FOXP1: variants seen among roughly 807,000 people sequenced by gnomAD.
The protein encoded by FOXP1 is forkhead box protein P1.
Under a neutral mutation model 98.2 loss-of-function variants are expected in FOXP1, and 15 were observed. The observed-to-expected ratio is 0.15, with a 90% CI of 0.10 to 0.24. FOXP1 has a LOEUF of 0.24. Ranked by LOEUF, FOXP1 falls within the 10% of genes least tolerant of loss-of-function variation. FOXP1 has a pLI of 1.00. For synonymous variants in FOXP1, 371 were observed against 314.5 expected (o/e 1.18, Z -1.90); for missense variants, 633 against 848.5 (o/e 0.75, Z 3.15).
intron 13 of FOXP1, among the ~76,000 whole-genome samples, chr3:70,991,512 C>G (rs368700359): frequency 2.0e-5 from 3 of 152,130 alleles, no homozygotes; most frequent in Admixed American, 6.5e-5. Context: ...AAAGGGAACA[C>G]GGTTTGGGGT....
At chr3:71,560,692 G>A (rs1174789135) in intron 2 of FOXP1, among the ~76,000 whole-genome samples, 1 of 152,184 alleles carries the variant, frequency 6.6e-6, no homozygotes, top group African/African-American at 2.4e-5. Context: ...ACAAAATGTG[G>A]TATATCTATA....
intron 5 of FOXP1, among the ~76,000 whole-genome samples, chr3:71,249,508 G>A (rs2107027437): frequency 6.6e-6 from 1 of 152,330 alleles, no homozygotes; most frequent in African/African-American, 2.4e-5. Context: ...GAGGCTCAGA[G>A]AGGTTAAATA....
rs6786914 is a variant in FOXP1, at chr3:71,012,245, T to C, written c.974+3304A>G. Among the ~76,000 whole-genome samples the C allele has an allele frequency of 5.8e-3, 888 of 152,288 alleles. 10 individuals are homozygous for C. The highest frequency in any genetic ancestry group is 0.02 in the African/African-American group (814 of 41,582). ...CCAAGGTATTTATCAAACCTAGCACTGGTGTAGAAGAAAAAACTCAGAATT... is the reference window on the plus strand; with the variant it reads ...CCAAGGTATTTATCAAACCTAGCACCGGTGTAGAAGAAAAAACTCAGAATT... On this transcript the variant is annotated intron_variant, in intron 12 of 20. Transcript: ENST00000649528.
At position 70,959,156 on chromosome 3, in the gene FOXP1, A is replaced by C; in HGVS notation, c.*91T>G. ...TGAAAATCCTCCAGACTGTACAACA[A>C]ATGGAGAACAATTTCACTGCTAACT... On this transcript the variant is annotated 3_prime_UTR_variant, in exon 21 of 21. Coordinates refer to ENST00000649528, the MANE Select transcript of FOXP1 (RefSeq NM_001349338.3). 1 of 1,469,302 alleles carries C rather than the reference A, an allele frequency of 6.8e-7. No individual in the cohort carries two copies. The highest frequency in any genetic ancestry group is 1.1e-5 in the South Asian group (1 of 87,110). The allele number at this position is 1,469,302 out of a possible 1,614,324, so 91.0% of individuals were successfully genotyped here. A position where few individuals can be genotyped will look rare whatever the true frequency, so the allele number is the denominator to read the frequency against.
At chr3:71,178,134 C>G (rs1024953285) in intron 6 of FOXP1, among the ~76,000 whole-genome samples, 1 of 145,624 alleles carries the variant, frequency 6.9e-6, no homozygotes, top group African/African-American at 2.5e-5. Context: ...CACACCCAGT[C>G]AGTCTTTTTT....
intron 6 of FOXP1, among the ~76,000 whole-genome samples, chr3:71,148,456 T>C (rs141823715): frequency 1.8e-3 from 279 of 152,372 alleles, no homozygotes; most frequent in South Asian, 0.013. Context: ...AATCTCACTC[T>C]TAAAGAAAAC....
At chr3:71,407,184 A>C (rs1311491467) in intron 3 of FOXP1, among the ~76,000 whole-genome samples, 1 of 152,056 alleles carries the variant, frequency 6.6e-6, no homozygotes, top group Non-Finnish European at 1.5e-5. Flanking sequence ...ATTTTACAAG[A>C]GCTTGAAAGT....
At chr3:71,226,930 A>T (rs1466663637) in intron 5 of FOXP1, among the ~76,000 whole-genome samples, 1 of 152,166 alleles carries the variant, frequency 6.6e-6, no homozygotes, top group African/African-American at 2.4e-5. Context: ...GTCAGACGGC[A>T]GCTGACAGTC....
At chr3:71,228,709 G>C (rs964451527) in intron 5 of FOXP1, among the ~76,000 whole-genome samples, 1 of 152,164 alleles carries the variant, frequency 6.6e-6, no homozygotes, top group Admixed American at 6.5e-5. Flanking sequence ...TGGTAAATAA[G>C]GGTGAAGATT....
At chr3:71,309,086 G>A (rs975734670) in intron 4 of FOXP1, among the ~76,000 whole-genome samples, 1 of 152,092 alleles carries the variant, frequency 6.6e-6, no homozygotes, top group Non-Finnish European at 1.5e-5. Flanking sequence ...ACCACAACCT[G>A]AGGGCTTGCT....
intron 7 of FOXP1, chr3:71,065,886 C>T (rs984674455): frequency 1.3e-5 from 2 of 151,896 alleles, no homozygotes. Context: ...TCAACTGACA[C>T]GACTTAAGCG....
At position 71,582,765 on chromosome 3, in the gene FOXP1, T is replaced by C. The variant is rs1238304328; in HGVS notation, c.-447+806A>G. On this transcript the variant is annotated intron_variant, in intron 1 of 20. Coordinates refer to ENST00000649528, the MANE Select transcript of FOXP1 (RefSeq NM_001349338.3). Reference sequence around the variant, plus strand: ...AGCGGAGGCCGAGCGCGCGTAGGGGTGCGTGTCTGGCTGGGGGTGCGCAGG... The same window carrying C: ...AGCGGAGGCCGAGCGCGCGTAGGGGCGCGTGTCTGGCTGGGGGTGCGCAGG... The C allele has an allele frequency of 5.1e-6, 5 of 984,628 alleles. No homozygotes were observed. In the African/African-American group the frequency reaches 7.0e-5, roughly 14 times the overall value. 61.0% of individuals were successfully genotyped at this position (984,628 alleles called of 1,614,324 possible).
At chr3:71,345,076 T>C (rs75175086) in intron 4 of FOXP1, among the ~76,000 whole-genome samples, 26,237 of 152,028 alleles carry the variant, frequency 0.17, 2,668 homozygotes, top group Non-Finnish European at 0.24. Context: ...GGGAAGCAAC[T>C]TATTTTTCAT....
At chr3:71,083,658 G>C (rs1402726994) in intron 7 of FOXP1, among the ~76,000 whole-genome samples, 2 of 152,160 alleles carry the variant, frequency 1.3e-5, no homozygotes, top group East Asian at 3.9e-4. Flanking sequence ...CCTCAGCAAG[G>C]GAAAAACTTG....
intron 18 of FOXP1, chr3:70,971,452 C>CCTCGTAAGGATAAAAATATT (rs2036218768): frequency 6.5e-6 from 1 of 153,812 alleles, no homozygotes; most frequent in Non-Finnish European, 1.4e-5. Context: ...AAATCTCTAG[C>CCTCGTAAGGATAAAAATATT]CTCGTAAGGA....
chr3:71,125,255 A>C (rs2059081589), intron 6 of FOXP1, among the ~76,000 whole-genome samples: 1 of 152,200 alleles, frequency 6.6e-6, no homozygotes, highest in African/African-American at 2.4e-5. Context: ...ACTTTATATA[A>C]ACAGAAAGTT....
At chr3:71,481,191 T>G (rs145160935) in intron 3 of FOXP1, among the ~76,000 whole-genome samples, 11 of 152,282 alleles carry the variant, frequency 7.2e-5, no homozygotes, top group African/African-American at 2.6e-4. Context: ...TTACAAAAAT[T>G]TACCATGTGC....
chr3:71,202,649 T>C (rs1210132027), intron 5 of FOXP1, among the ~76,000 whole-genome samples: 1 of 152,230 alleles, frequency 6.6e-6, no homozygotes, highest in Admixed American at 6.5e-5. Flanking sequence ...GTTTCAGACA[T>C]GAACTTGTCC....
At chr3:71,050,775 C>T (rs1211989359) in intron 9 of FOXP1, among the ~76,000 whole-genome samples, 2 of 152,214 alleles carry the variant, frequency 1.3e-5, no homozygotes, top group Non-Finnish European at 2.9e-5. Flanking sequence ...CAAGCACTGT[C>T]TGAGACTGTG....
Sources: gnomAD v4.1 joint callset for allele counts (sites outside exome capture counted in the v4.1 genomes callset) on GRCh38, gnomAD v4.1.1 for gene constraint, MANE v1.5 for transcripts, NCBI Gene and HGNC (gene_info 2026-07-23, HGNC 2026-07-21) for gene names.